RBFOX1: variants seen among roughly 807,000 people sequenced by gnomAD.
RBFOX1 encodes RNA binding protein fox-1 homolog 1.
RBFOX1 carries 8 observed loss-of-function variants against 57.7 expected under a neutral mutation model. That is an observed-to-expected ratio of 0.14 (90% CI 0.08 to 0.25). The LOEUF (loss-of-function observed/expected upper bound fraction) is 0.25. Ranked by LOEUF, RBFOX1 falls within the 10% of genes least tolerant of loss-of-function variation. RBFOX1 has a pLI of 1.00. For synonymous variants in RBFOX1, 326 were observed against 222.4 expected (o/e 1.47, Z -4.15); for missense variants, 611 against 548.5 (o/e 1.11, Z -1.14).
intron 10 of RBFOX1, among the ~76,000 whole-genome samples, chr16:7,618,206 C>T (rs59372213): frequency 0.15 from 22,932 of 152,036 alleles, 2,563 homozygotes; most frequent in East Asian, 0.64. Context: ...CAGTGGTAGG[C>T]AGCCATTGAA....
intron 4 of RBFOX1, among the ~76,000 whole-genome samples, chr16:7,450,310 C>T (rs1010754613): frequency 6.8e-6 from 1 of 146,122 alleles, no homozygotes; most frequent in African/African-American, 2.5e-5. Flanking sequence ...AGGAGAATTG[C>T]CTGAACCAGG....
intron 3 of RBFOX1, among the ~76,000 whole-genome samples, chr16:6,906,004 C>G (rs1032793409): frequency 2.0e-5 from 3 of 152,168 alleles, no homozygotes; most frequent in African/African-American, 7.2e-5. Flanking sequence ...CTGAAGAAAT[C>G]CTCTGCCTTC....
At chr16:7,171,675 A>G (rs2080730660) in intron 4 of RBFOX1, among the ~76,000 whole-genome samples, 1 of 152,162 alleles carries the variant, frequency 6.6e-6, no homozygotes, top group African/African-American at 2.4e-5. Flanking sequence ...GCCATTGCAA[A>G]TGGATTTAGT....
intron 10 of RBFOX1, among the ~76,000 whole-genome samples, chr16:7,620,995 C>G (rs1448638566): frequency 2.0e-5 from 3 of 152,014 alleles, no homozygotes; most frequent in Non-Finnish European, 4.4e-5. Context: ...GTTGTCAGCA[C>G]CATCTGCATC....
chr16:6,496,612 G>A (rs1343312995), intron 2 of RBFOX1, among the ~76,000 whole-genome samples: 3 of 152,128 alleles, frequency 2.0e-5, no homozygotes, highest in Non-Finnish European at 4.4e-5. Flanking sequence ...ATCAAAGCAA[G>A]TTGCCCCAAG....
chr16:6,780,454 T>TTATATA (rs1567217635), intron 3 of RBFOX1, among the ~76,000 whole-genome samples: 1 of 100,126 alleles, frequency 1.0e-5, no homozygotes, highest in African/African-American at 4.3e-5. Context: ...ATATATACAT[T>TTATATA]TTTATATATA....
At chr16:6,588,703 AT>A (rs2097666760) in intron 2 of RBFOX1, among the ~76,000 whole-genome samples, 2 of 152,176 alleles carry the variant, frequency 1.3e-5, no homozygotes, top group Non-Finnish European at 2.9e-5. Flanking sequence ...TTGGTCTTCT[AT>A]GATGTTGATT....
chr16:6,880,703 G>C (rs1344267290), intron 3 of RBFOX1, among the ~76,000 whole-genome samples: 1 of 152,202 alleles, frequency 6.6e-6, no homozygotes, highest in Non-Finnish European at 1.5e-5. Context: ...TGATGTTCCA[G>C]AGTCAGTTTG....
intron 2 of RBFOX1, among the ~76,000 whole-genome samples, chr16:6,368,631 A>G (rs540968454): frequency 4.6e-5 from 7 of 152,338 alleles, no homozygotes; most frequent in African/African-American, 1.4e-4. Flanking sequence ...CTAGAAGAGT[A>G]TATGTTTATC....
chr16:6,276,841 C>T (rs947750381), intron 1 of RBFOX1, among the ~76,000 whole-genome samples: 1 of 150,984 alleles, frequency 6.6e-6, no homozygotes, highest in Admixed American at 6.6e-5. Flanking sequence ...ATTAACTATG[C>T]TCCTTCCAGG....
intron 5 of RBFOX1, among the ~76,000 whole-genome samples, chr16:7,529,248 C>T (rs1275325892): frequency 6.6e-6 from 1 of 152,166 alleles, no homozygotes; most frequent in Non-Finnish European, 1.5e-5. Context: ...GTGACAGAAT[C>T]AGACTCTGTC....
chr16:7,174,617 C>A (rs911341294), intron 4 of RBFOX1, among the ~76,000 whole-genome samples: 1 of 152,054 alleles, frequency 6.6e-6, no homozygotes, highest in Non-Finnish European at 1.5e-5. Context: ...CCCATCTCTA[C>A]TAAAAATACA....
intron 1 of RBFOX1, among the ~76,000 whole-genome samples, chr16:6,270,879 T>C (rs1474336748): frequency 3.9e-5 from 6 of 152,304 alleles, no homozygotes; most frequent in Admixed American, 3.3e-4. Context: ...TATAAATTAA[T>C]ACCAGAAAGA....
chr16:6,707,135 G>A (rs574635437), intron 3 of RBFOX1, among the ~76,000 whole-genome samples: 1 of 152,200 alleles, frequency 6.6e-6, no homozygotes, highest in South Asian at 2.1e-4. Flanking sequence ...ATCCAGATGT[G>A]ATTTCTATTT....
intron 3 of RBFOX1, among the ~76,000 whole-genome samples, chr16:5,804,357 A>C (rs2055159751): frequency 6.6e-6 from 1 of 152,236 alleles, no homozygotes; most frequent in South Asian, 2.1e-4. Context: ...GAATACATAA[A>C]CTTAGTTTAT....
chr16:5,536,223 CCT>C (rs1398675710), intron 2 of RBFOX1, among the ~76,000 whole-genome samples: 22 of 140,086 alleles, frequency 1.6e-4, no homozygotes, highest in Non-Finnish European at 3.2e-4. Flanking sequence ...TTGGAAATCT[CCT>C]GTCTTTTTTT....
intron 3 of RBFOX1, among the ~76,000 whole-genome samples, chr16:7,007,634 G>T (rs945120763): frequency 3.9e-5 from 6 of 152,152 alleles, no homozygotes; most frequent in Non-Finnish European, 7.3e-5. Context: ...CAATGTAAAT[G>T]TACGTTTCTA....
At position 7,619,618 on chromosome 16, in the gene RBFOX1, G is replaced by A. The variant is rs976035251; in HGVS notation, c.677-10985G>A. On this transcript the variant is annotated intron_variant, in intron 10 of 15. Coordinates refer to ENST00000550418, the MANE Select transcript of RBFOX1 (RefSeq NM_018723.4). The stretch of plus-strand genomic sequence containing the variant: ...TTGAAATATGAAAGAAGTGACAATA[G>A]AGAAGCCTGTCTAGACAGCTTTTTA... 3.3e-5 allele frequency among the ~76,000 whole-genome samples: 5 copies of A among 152,054 alleles called. No homozygotes were observed. The South Asian group carries it at 8.3e-4, about 25-fold the overall frequency.
intron 4 of RBFOX1, among the ~76,000 whole-genome samples, chr16:7,221,548 G>A (rs565364482): frequency 1.3e-5 from 2 of 151,962 alleles, no homozygotes; most frequent in Admixed American, 1.3e-4. Context: ...TGTATTTTTA[G>A]TAGAGAAGGG....
Sources: allele counts gnomAD v4.1 joint callset (sites outside exome capture counted in the v4.1 genomes callset), GRCh38; gene constraint gnomAD v4.1.1; transcripts MANE v1.5; gene names NCBI Gene and HGNC (gene_info 2026-07-23, HGNC 2026-07-21).